The following USH1C variants were observed in gnomAD, a reference collection of about 807,000 sequenced individuals.
The protein encoded by USH1C is harmonin.
A neutral mutation model predicts 119.3 loss-of-function variants in USH1C; 90 were observed. The observed-to-expected ratio is 0.75, with a 90% confidence interval of 0.64 to 0.90. USH1C has a LOEUF of 0.90. USH1C is among the 40% of genes least tolerant of loss of function. USH1C has a pLI of 0.00. For missense variants in USH1C, 1,165 were observed against 1,167.7 expected, an observed-to-expected ratio of 1.00 and a Z score of 0.03; for synonymous variants, 465 against 443.3, an observed-to-expected ratio of 1.05 and a Z score of -0.62.
At chr11:17,527,744 C>T (rs964057516) in intron 4 of USH1C, among the ~76,000 whole-genome samples, 2 of 152,206 alleles carry the variant, frequency 1.3e-5, no homozygotes, top group African/African-American at 4.8e-5. Flanking sequence ...TGTCCCAACC[C>T]ACCCCTAGGA....
At position 17,495,594 on chromosome 11, in the gene USH1C, C is replaced by T. The variant is rs371856107; in HGVS notation, c.2630G>A (p.Gly877Glu). Residue 877 changes from glycine to glutamate, a missense_variant, in exon 26 of 27, where the codon GGG becomes GAG. Coordinates refer to ENST00000005226, the MANE Select transcript of USH1C (RefSeq NM_153676.4). The stretch of plus-strand genomic sequence containing the variant: ...CGTGGGCTCCAGCTGCAGGAGGAAC[C>T]CGTGTCTGTGCACGGCAGCACGGTC... ...LEDRAAVHRH[G>E]FLLQLEPTDL... 95 of 1,614,070 alleles carry T rather than the reference C, an allele frequency of 5.9e-5. No homozygotes were observed. Among genetic ancestry groups the T allele is most frequent in the Middle Eastern group, 5.0e-4 (3 of 6,058 alleles).
intron 14 of USH1C, among the ~76,000 whole-genome samples, chr11:17,520,517 C>A (rs992194876): frequency 1.3e-5 from 2 of 152,196 alleles, no homozygotes; most frequent in African/African-American, 4.8e-5. Flanking sequence ...TGTTCAGAAC[C>A]AAGTAGGAGG....
rs1849425382 is a variant in USH1C at position 17,501,111 on chromosome 11, A to G, written c.2320T>C (p.Ser774Pro). Residue 774 changes from serine to proline, a missense_variant, in exon 23 of 27, where the codon TCC becomes CCC. Ser to Pro is a moderately conservative substitution (Grantham distance 74). Coordinates refer to ENST00000005226, the MANE Select transcript of USH1C (RefSeq NM_153676.4). ...LDLALEGGVDSPIGKVVVSAV... is the reference protein window; with the variant it reads ...LDLALEGGVDPPIGKVVVSAV... ...GAAACGACCACCTTCCCAATGGGGG[A>G]GTCCACACCGCCTTCCAGGGCCAGG... The G allele has an allele frequency of 6.2e-7, 1 of 1,614,004 alleles. No individual in the cohort carries two copies. Among genetic ancestry groups the G allele is most frequent in the East Asian group, 2.2e-5 (1 of 44,868 alleles).
At chr11:17,539,839 T>C (rs1348824544) in intron 1 of USH1C, among the ~76,000 whole-genome samples, 5 of 148,872 alleles carry the variant, frequency 3.4e-5, no homozygotes, top group African/African-American at 4.9e-5. Flanking sequence ...TTTTCTTTTT[T>C]TTTTTTTTTT....
intron 1 of USH1C, among the ~76,000 whole-genome samples, chr11:17,543,420 C>T (rs1405665237): frequency 1.3e-5 from 2 of 152,340 alleles, no homozygotes; most frequent in African/African-American, 2.4e-5. Context: ...CCACCCACCC[C>T]CCCCAAGCGG....
intron 8 of USH1C, among the ~76,000 whole-genome samples, chr11:17,525,445 G>T (rs1309409554): frequency 1.3e-5 from 2 of 152,216 alleles, no homozygotes; most frequent in Non-Finnish European, 2.9e-5. Flanking sequence ...TTTACCAACT[G>T]CTTACTATTT....
chr11:17,518,049 A>G (rs1157769198), intron 14 of USH1C, among the ~76,000 whole-genome samples: 1 of 152,220 alleles, frequency 6.6e-6, no homozygotes, highest in Non-Finnish European at 1.5e-5. Flanking sequence ...TCCATTCCAG[A>G]GTTTCCAGCT....
chr11:17,494,266 T>A lies in USH1C; in HGVS notation c.*66A>T, dbSNP rs1350404234. On this transcript the variant is annotated 3_prime_UTR_variant, in exon 27 of 27. Coordinates refer to ENST00000005226, the MANE Select transcript of USH1C (RefSeq NM_153676.4). Reference sequence around the variant, plus strand: ...CAAGGATGCCATCTGGTGTGTGTAGTGTGGCCTCTCTCAAGGCTGATCCGA... The same window carrying A: ...CAAGGATGCCATCTGGTGTGTGTAGAGTGGCCTCTCTCAAGGCTGATCCGA... The A allele has an allele frequency of 6.5e-7, 1 of 1,543,522 alleles. No individual in the cohort carries two copies. The highest frequency in any genetic ancestry group is 8.8e-7 in the Non-Finnish European group (1 of 1,130,452).
chr11:17,496,229 C>G (rs1849245000), intron 25 of USH1C, among the ~76,000 whole-genome samples: 1 of 152,064 alleles, frequency 6.6e-6, no homozygotes, highest in East Asian at 1.9e-4. Flanking sequence ...GAGAGACCCA[C>G]AGGACACAAG....
In USH1C at chr11:17,532,003, C is replaced by G. The variant is rs190246258; in HGVS notation, c.105-461G>C. On this transcript the variant is annotated intron_variant, in intron 2 of 26. Transcript: ENST00000005226. ...CTGCCTGCCCATGTACTCACTGTCA[C>G]GTCATCTTTTCTCAGTGTAAGGCAC... Among the ~76,000 whole-genome samples the G allele has an allele frequency of 6.2e-4, 95 of 152,322 alleles. 1 individual carries two copies. The Middle Eastern group carries it at 0.037, about 60-fold the overall frequency.
At position 17,533,475 on chromosome 11, in the gene USH1C, C is replaced by A. The variant is rs41274344; in HGVS notation, c.37-153G>T. The A allele has an allele frequency of 3.9e-3, 2,711 of 698,906 alleles. 7 individuals carry two copies. The highest frequency in any genetic ancestry group is 5.7e-3 in the Non-Finnish European group (2,185 of 385,512). 43.3% of individuals were successfully genotyped at this position (698,906 alleles called of 1,614,324 possible). Reference sequence around the variant, plus strand: ...AAGAGGAGCCACAGGCCAGGCTGCCCCTCTGACCCCAATGCATCAGACCTA... The same window carrying A: ...AAGAGGAGCCACAGGCCAGGCTGCCACTCTGACCCCAATGCATCAGACCTA... On this transcript the variant is annotated intron_variant, in intron 1 of 26. Transcript: ENST00000005226.
rs770579089 is a variant in USH1C at position 17,523,458 on chromosome 11, T to C, written c.780A>G (p.Glu260=). Residue 260 remains glutamate, a synonymous_variant, in exon 10 of 27, where the codon GAA becomes GAG. Transcript: ENST00000005226. ...VGLEIGDQIV[E]VNGVDFSNLD... ...GGTTAGAGAAGTCGACGCCATTGAC[T>C]TCGACAATCTGGTCCCCTATCTGGT... 18 of 1,614,110 alleles carry C rather than the reference T, an allele frequency of 1.1e-5. No individual in the cohort carries two copies. The South Asian group carries it at 1.9e-4, about 17-fold the overall frequency.
chr11:17,537,465 T>C (rs541232126), intron 1 of USH1C, among the ~76,000 whole-genome samples: 11 of 152,338 alleles, frequency 7.2e-5, no homozygotes, highest in Admixed American at 1.3e-4. Flanking sequence ...CGTCCGTTGA[T>C]GAAACGTGAA....
intron 1 of USH1C, among the ~76,000 whole-genome samples, chr11:17,543,731 G>C (rs943208744): frequency 6.6e-6 from 1 of 152,124 alleles, no homozygotes; most frequent in Non-Finnish European, 1.5e-5. Flanking sequence ...CCGCACCCGG[G>C]TCAGCACCAG....
Position 17,531,524 on chromosome 11 carries a change from C to CACGG in USH1C, c.119_122dup (p.Leu42ArgfsTer12), listed in dbSNP as rs1404260222. The CACGG allele has an allele frequency of 6.2e-7, 1 of 1,613,538 alleles. No individual in the cohort carries two copies. On this transcript the variant is annotated frameshift_variant, in exon 3 of 27. Coordinates refer to ENST00000005226, the MANE Select transcript of USH1C (RefSeq NM_153676.4). LOFTEE classifies it high-confidence loss of function. The surrounding 1 kb of genome is among the most constrained non-coding windows in gnomAD (Gnocchi z 4.2). ...TGACCAGCTTCAGGTCTCCCACGAGCACGGCCACGTCCATGGTCCTGTGGA... is the reference window on the plus strand; with the variant it reads ...TGACCAGCTTCAGGTCTCCCACGAGCACGGACGGCCACGTCCATGGTCCTGTGGA...
chr11:17,516,956 T>C (rs576156938), intron 14 of USH1C, among the ~76,000 whole-genome samples: 35 of 152,098 alleles, frequency 2.3e-4, no homozygotes, highest in African/African-American at 8.2e-4. Context: ...CACAGAGTAA[T>C]ACCCCCAATC....
At chr11:17,498,387 G>C (rs1849319697) in intron 23 of USH1C, 116 bp from the exon 24 acceptor site, 1 of 971,456 alleles carries the variant, frequency 1.0e-6, no homozygotes, top group African/African-American at 1.6e-5. Context: ...CCTGGGTTCT[G>C]AAAGCTCATG....
chr11:17,535,498 G>A (rs1304316183), intron 1 of USH1C, among the ~76,000 whole-genome samples: 1 of 152,156 alleles, frequency 6.6e-6, no homozygotes, highest in African/African-American at 2.4e-5. Flanking sequence ...TGTTTTCTCT[G>A]TGAATTGTTT....
At chr11:17,542,219 A>G (rs1382105186) in intron 1 of USH1C, among the ~76,000 whole-genome samples, 3 of 152,230 alleles carry the variant, frequency 2.0e-5, no homozygotes, top group Admixed American at 1.3e-4. Context: ...ACTTCCAACA[A>G]CTAAGGATTT....
Sources: gnomAD v4.1 joint callset for allele counts (sites outside exome capture counted in the v4.1 genomes callset) on GRCh38, gnomAD v4.1.1 for gene constraint, Gnocchi (gnomAD v3.1) non-coding constraint, MANE v1.5 for transcripts, NCBI Gene and HGNC (gene_info 2026-07-23, HGNC 2026-07-21) for gene names.